Variants in MAD1L1 observed in about 807,000 individuals in gnomAD.
MAD1L1 encodes mitotic arrest deficient 1 like 1.
A neutral mutation model predicts 96.9 loss-of-function variants in MAD1L1; 95 were observed. That is an observed-to-expected ratio of 0.98 (90% CI 0.83 to 1.16). The LOEUF (loss-of-function observed/expected upper bound fraction) is 1.16, where lower values mean the gene tolerates loss of function less well. Ranked by LOEUF, MAD1L1 falls within the 50% of genes most tolerant of loss-of-function variation. The pLI is 0.00. For synonymous variants in MAD1L1, 473 were observed against 396.6 expected (o/e 1.19, Z -2.29); for missense variants, 1,007 against 954.4 (o/e 1.06, Z -0.73).
intron 17 of MAD1L1, among the ~76,000 whole-genome samples, chr7:1,926,522 C>G (rs996039988): frequency 3.9e-4 from 2 of 5,134 alleles, no homozygotes; most frequent in Non-Finnish European, 0.012. Flanking sequence ...ATGCCATAAC[C>G]AAGGGGGGGG....
chr7:2,161,683 T>C (rs1790137872), intron 10 of MAD1L1, among the ~76,000 whole-genome samples: 1 of 143,724 alleles, frequency 7.0e-6, no homozygotes, highest in African/African-American at 2.6e-5. Flanking sequence ...CGGCCGCCCA[T>C]CGTCTGGGAT....
rs1459772405 is a variant in MAD1L1, at chr7:1,914,621, TTTG to T, written c.1808-16234_1808-16232del. Among the ~76,000 whole-genome samples the T allele has an allele frequency of 2.0e-5, 3 of 152,064 alleles. No homozygotes were observed. In the East Asian group the frequency reaches 5.8e-4, roughly 29 times the overall value. On this transcript the variant is annotated intron_variant, in intron 17 of 18. Coordinates refer to ENST00000265854, the MANE Select transcript of MAD1L1 (RefSeq NM_001013836.2). ...AGATCACATCGTGTTGAGTTTTTGG[TTTG>T]TTTTTTTGAGACGAGGTCTCACTAT... is the stretch of plus-strand genomic sequence containing the variant.
chr7:1,906,793 C>A (rs1465960870), intron 17 of MAD1L1, among the ~76,000 whole-genome samples: 1 of 152,230 alleles, frequency 6.6e-6, no homozygotes, highest in East Asian at 1.9e-4. Context: ...CCCCTACAGA[C>A]CTGAGCTCCT....
chr7:1,964,627 A>G (rs1479678116), intron 15 of MAD1L1, among the ~76,000 whole-genome samples: 1 of 152,226 alleles, frequency 6.6e-6, no homozygotes, highest in East Asian at 1.9e-4. Flanking sequence ...ACTTACTGCA[A>G]CTTTTTTAAA....
rs1793670583 is a variant in MAD1L1 at position 2,222,661 on chromosome 7, C to G, written c.385G>C (p.Glu129Gln). Residue 129 changes from glutamate (E) to glutamine (Q), a missense_variant, in exon 5 of 19, where the codon GAG becomes CAG. Physicochemically the swap from Glu to Gln is conservative, Grantham distance 29. Coordinates refer to ENST00000265854, the MANE Select transcript of MAD1L1 (RefSeq NM_001013836.2). Reference protein sequence around the residue: ...GAEEKMQEQLERNRQCQQNLD... With the variant: ...GAEEKMQEQLQRNRQCQQNLD... ...TTCTGCTGACACTGCCTGTTGCGCTCCAGCTGCTCCTGCATCTTCTCCTCC... is the reference window on the plus strand; with the variant it reads ...TTCTGCTGACACTGCCTGTTGCGCTGCAGCTGCTCCTGCATCTTCTCCTCC... The G allele has an allele frequency of 6.2e-7, 1 of 1,613,186 alleles. No individual in the cohort carries two copies. Among genetic ancestry groups the G allele is most frequent in the South Asian group, 1.1e-5 (1 of 91,062 alleles).
chr7:1,938,903 GCACACACA>G (rs367763521), intron 16 of MAD1L1, among the ~76,000 whole-genome samples: 11 of 81,890 alleles, frequency 1.3e-4, no homozygotes, highest in East Asian at 3.1e-4. Context: ...CCAGAGGCGC[GCACACACA>G]CACACACACA....
intron 16 of MAD1L1, among the ~76,000 whole-genome samples, chr7:1,939,073 C>T (rs567857190): frequency 1.1e-4 from 13 of 122,752 alleles, no homozygotes; most frequent in Non-Finnish European, 2.0e-4. Flanking sequence ...CGGGCCAGAG[C>T]CGGGACCAGA....
chr7:2,185,295 C>T (rs1282537003), intron 10 of MAD1L1, among the ~76,000 whole-genome samples: 1 of 151,632 alleles, frequency 6.6e-6, no homozygotes, highest in Non-Finnish European at 1.5e-5. Context: ...AATTCAAGAA[C>T]ACACAAAACT....
In MAD1L1 at chr7:1,976,522, T is replaced by C. The variant is rs116065543; in HGVS notation, c.1505+3931A>G. On this transcript the variant is annotated intron_variant, in intron 15 of 18. Coordinates refer to ENST00000265854, the MANE Select transcript of MAD1L1 (RefSeq NM_001013836.2). ...CCTTCGTGGTGAGTGCTACATCTCA[T>C]AAAGCAGTGCGGACCCAAAGAGTGA... is the stretch of plus-strand genomic sequence containing the variant. Among the ~76,000 whole-genome samples, 572 of 152,318 alleles carry C rather than the reference T, an allele frequency of 3.8e-3. 2 individuals are homozygous for C. The highest frequency in any genetic ancestry group is 0.013 in the African/African-American group (531 of 41,566).
At chr7:2,024,108 TA>T (rs747660701) in intron 12 of MAD1L1, among the ~76,000 whole-genome samples, 281 of 140,418 alleles carry the variant, frequency 2.0e-3, no homozygotes, top group Admixed American at 6.0e-3. Context: ...TAACCAACAT[TA>T]AAAAAAAAAA....
chr7:2,130,089 G>A lies in MAD1L1; in HGVS notation c.1073+19063C>T, dbSNP rs575262037. ...AAATGCCACCTGGCTGCCCCGATGC[G>A]CCTCACTGCATCAAAAGCACCTCCA... is the stretch of plus-strand genomic sequence containing the variant. On this transcript the variant is annotated intron_variant, in intron 11 of 18. Coordinates refer to ENST00000265854, the MANE Select transcript of MAD1L1 (RefSeq NM_001013836.2). Among the ~76,000 whole-genome samples, 48 of 152,348 alleles carry A rather than the reference G, an allele frequency of 3.2e-4. 3 individuals carry two copies. The highest frequency in any genetic ancestry group is 3.4e-4 in the African/African-American group (14 of 41,586).
chr7:1,815,941 C>T lies in MAD1L1; in HGVS notation c.*129G>A. 1 of 1,133,070 alleles carries T rather than the reference C, an allele frequency of 8.8e-7. No homozygotes were observed. The allele number at this position is 1,133,070 out of a possible 1,614,324, so 70.2% of individuals were successfully genotyped here. The stretch of plus-strand genomic sequence containing the variant: ...AAGCCCGACGTAGGTCCCAGCGTGT[C>T]TGTCAGTCATGCTGCTGCCCTGTGG... On this transcript the variant is annotated 3_prime_UTR_variant, in exon 19 of 19. Transcript: ENST00000265854.
intron 5 of MAD1L1, among the ~76,000 whole-genome samples, chr7:2,221,758 C>A (rs912003052): frequency 6.6e-6 from 1 of 152,194 alleles, no homozygotes; most frequent in South Asian, 2.1e-4. Flanking sequence ...CAAATCCAGA[C>A]GTGCCTCCTT....
intron 11 of MAD1L1, among the ~76,000 whole-genome samples, chr7:2,070,666 G>A (rs1008373514): frequency 3.3e-5 from 5 of 152,214 alleles, no homozygotes; most frequent in African/African-American, 9.6e-5. Context: ...TCTTTCCAAA[G>A]GAAATCTTAA....
At position 2,069,242 on chromosome 7, in the gene MAD1L1, G is replaced by C; in HGVS notation, c.1170C>G (p.His390Gln). The C allele has an allele frequency of 6.2e-7, 1 of 1,611,388 alleles. No homozygotes were observed. The highest frequency in any genetic ancestry group is 2.2e-5 in the East Asian group (1 of 44,720). The change falls in exon 12 of 19, where the codon CAC (histidine) becomes CAG (glutamine). Residue 390 changes from histidine (H) to glutamine (Q), a missense_variant. By Grantham distance (24) the His-to-Gln change is conservative (BLOSUM62 0). Coordinates refer to ENST00000265854, the MANE Select transcript of MAD1L1 (RefSeq NM_001013836.2). The stretch of plus-strand genomic sequence containing the variant: ...TCTGGAGCCTCCGGGCCAGCGCCTC[G>C]TGGGTCTCGCGCTTCTTCCTCTCCT... ...LLEERKKRET[H>Q]EALARRLQKR...
At chr7:1,858,376 C>A (rs1318385061) in intron 18 of MAD1L1, among the ~76,000 whole-genome samples, 1 of 152,246 alleles carries the variant, frequency 6.6e-6, no homozygotes, top group Non-Finnish European at 1.5e-5. Flanking sequence ...TTGTTTTTGC[C>A]TTGGCTCAGC....
At position 2,119,546 on chromosome 7, in the gene MAD1L1, G is replaced by A. The variant is rs1787876256; in HGVS notation, c.1073+29606C>T. 6.6e-6 allele frequency among the ~76,000 whole-genome samples: 1 copy of A among 152,186 alleles called. No homozygotes were observed. Among genetic ancestry groups the A allele is most frequent in the African/African-American group, 2.4e-5 (1 of 41,442 alleles). ...CAGGCAGCTCTCAGGTCCCGACTGTGGGGACAGCACGTGCCCGAGCTCTGA... is the reference window on the plus strand; with the variant it reads ...CAGGCAGCTCTCAGGTCCCGACTGTAGGGACAGCACGTGCCCGAGCTCTGA... On this transcript the variant is annotated intron_variant, in intron 11 of 18. Coordinates refer to ENST00000265854, the MANE Select transcript of MAD1L1 (RefSeq NM_001013836.2). The surrounding 1 kb of genome is among the most constrained non-coding windows in gnomAD (Gnocchi z 4.6).
intron 12 of MAD1L1, among the ~76,000 whole-genome samples, chr7:2,025,854 C>T (rs1279633182): frequency 2.0e-5 from 3 of 151,998 alleles, no homozygotes; most frequent in African/African-American, 4.8e-5. Context: ...AACATAGCCA[C>T]TAAAATTACA....
In MAD1L1 at chr7:2,215,777, A is replaced by AGAAGCC. The variant is rs1793235500; in HGVS notation, c.924+107_924+108insGGCTTC. 5 of 988,268 alleles carry AGAAGCC rather than the reference A, an allele frequency of 5.1e-6. No individual in the cohort carries two copies. In the South Asian group the frequency reaches 7.0e-5, roughly 14 times the overall value. 61.2% of individuals were successfully genotyped at this position (988,268 alleles called of 1,614,324 possible). On this transcript the variant is annotated intron_variant, in intron 9 of 18. Transcript: ENST00000265854. ...ATTCTGCCTCCCACCCCATCACAGC[A>AGAAGCC]ACCTCCATGTTGTAGGTGAGCAGCT... is the stretch of plus-strand genomic sequence containing the variant.
Sources: gnomAD v4.1 joint callset for allele counts (sites outside exome capture counted in the v4.1 genomes callset) on GRCh38, gnomAD v4.1.1 for gene constraint, Gnocchi (gnomAD v3.1) non-coding constraint, MANE v1.5 for transcripts, NCBI Gene and HGNC (gene_info 2026-07-23, HGNC 2026-07-21) for gene names.